ZNF892: variants seen among roughly 807,000 people sequenced by gnomAD.
ZNF892 encodes the protein zinc finger protein 892.
At chr2:95,245,205 A>G in the ZNF892 span, among the ~76,000 whole-genome samples, 3 of 151,870 alleles carry the variant, frequency 2.0e-5, no homozygotes, top group Admixed American at 2.0e-4. Context: ...GGAGAAAGAG[A>G]CATGAAAAAG....
the ZNF892 span, chr2:95,215,470 GA>G: frequency 4.6e-6 from 2 of 438,440 alleles, no homozygotes; most frequent in South Asian, 8.8e-5. Flanking sequence ...AAGGAATGTG[GA>G]AAAGCCTTTA....
the ZNF892 span, among the ~76,000 whole-genome samples, chr2:95,220,939 A>AT: frequency 6.6e-6 from 1 of 152,134 alleles, no homozygotes; most frequent in Non-Finnish European, 1.5e-5. Context: ...AGAATTTTGG[A>AT]TTTTTTTACA....
chr2:95,228,396 C>T, the ZNF892 span, among the ~76,000 whole-genome samples: 1 of 152,158 alleles, frequency 6.6e-6, no homozygotes, highest in East Asian at 1.9e-4. Context: ...TGCCACTGCC[C>T]TCCAGCCTGG....
chr2:95,229,795 A>G, the ZNF892 span, among the ~76,000 whole-genome samples: 1 of 152,184 alleles, frequency 6.6e-6, no homozygotes. Context: ...TCTTGGGTAC[A>G]TATACCTAGG....
chr2:95,252,140 T>C, the ZNF892 span, among the ~76,000 whole-genome samples: 1 of 152,228 alleles, frequency 6.6e-6, no homozygotes, highest in South Asian at 2.1e-4. Flanking sequence ...AATGTGCAGG[T>C]TTGTTACATA....
At chr2:95,218,307 C>T in the ZNF892 span, among the ~76,000 whole-genome samples, 11 of 152,198 alleles carry the variant, frequency 7.2e-5, no homozygotes, top group African/African-American at 2.2e-4. Context: ...CATTTTACTA[C>T]AAGCACTAAG....
At chr2:95,211,049 G>A in the ZNF892 span, among the ~76,000 whole-genome samples, 73 of 152,218 alleles carry the variant, frequency 4.8e-4, no homozygotes, top group African/African-American at 1.6e-3. Flanking sequence ...GATCAGGGTC[G>A]TTGTGAAAAA....
At chr2:95,209,167 G>A in the ZNF892 span, among the ~76,000 whole-genome samples, 1 of 152,156 alleles carries the variant, frequency 6.6e-6, no homozygotes, top group Non-Finnish European at 1.5e-5. Flanking sequence ...AGAAGTGTGG[G>A]ATAAATCTGT....
the ZNF892 span, chr2:95,212,181 C>G: frequency 2.5e-6 from 1 of 398,464 alleles, no homozygotes; most frequent in Non-Finnish European, 4.4e-6. Flanking sequence ...CTTTTTCTTT[C>G]CCTATGAATA....
chr2:95,261,628 A>C, the ZNF892 span, among the ~76,000 whole-genome samples: 2 of 152,328 alleles, frequency 1.3e-5, no homozygotes, highest in African/African-American at 4.8e-5. Context: ...TCAAGGACAA[A>C]GGACAGGGAC....
the ZNF892 span, among the ~76,000 whole-genome samples, chr2:95,255,099 G>A: frequency 6.6e-6 from 1 of 152,268 alleles, no homozygotes; most frequent in East Asian, 1.9e-4. Flanking sequence ...TCTGATCTTA[G>A]TTATTTCTTG....
chr2:95,251,004 A>G, the ZNF892 span, among the ~76,000 whole-genome samples: 2 of 149,402 alleles, frequency 1.3e-5, no homozygotes, highest in Admixed American at 1.3e-4. Flanking sequence ...TAAATATTAC[A>G]TAAATATTTA....
chr2:95,262,330 CCA>C, the ZNF892 span, among the ~76,000 whole-genome samples: 1 of 152,140 alleles, frequency 6.6e-6, no homozygotes, highest in South Asian at 2.1e-4. Context: ...AAGGCTTCAT[CCA>C]CACAGTGTCT....
the ZNF892 span, among the ~76,000 whole-genome samples, chr2:95,243,744 A>G: frequency 1.4e-5 from 2 of 144,344 alleles, no homozygotes; most frequent in East Asian, 2.1e-4. Context: ...CCGCCCGGCC[A>G]GCCGCCCCGT....
chr2:95,226,256 T>C, the ZNF892 span, among the ~76,000 whole-genome samples: 1 of 152,228 alleles, frequency 6.6e-6, no homozygotes, highest in Non-Finnish European at 1.5e-5. Context: ...GATAATTTTA[T>C]TTCTTCCTTT....
the ZNF892 span, among the ~76,000 whole-genome samples, chr2:95,253,184 C>A: frequency 1.3e-5 from 2 of 152,126 alleles, no homozygotes; most frequent in Admixed American, 6.5e-5. Context: ...AATGGTATTG[C>A]CTAGGTTTTC....
At chr2:95,217,811 A>C in the ZNF892 span, among the ~76,000 whole-genome samples, 1 of 152,118 alleles carries the variant, frequency 6.6e-6, no homozygotes, top group East Asian at 1.9e-4. Flanking sequence ...CCCCTCTCCT[A>C]AGCCTCTGCA....
chr2:95,241,951 A>G, the ZNF892 span, among the ~76,000 whole-genome samples: 32 of 152,184 alleles, frequency 2.1e-4, no homozygotes, highest in Non-Finnish European at 3.7e-4. Context: ...ATAGAGAAAA[A>G]AATAATGAAA....
chr2:95,223,631 G>A, the ZNF892 span, among the ~76,000 whole-genome samples: 1 of 152,014 alleles, frequency 6.6e-6, no homozygotes, highest in African/African-American at 2.4e-5. Context: ...GAAATCATGA[G>A]CTCAAGCAAT....
Sources: allele counts gnomAD v4.1 joint callset (sites outside exome capture counted in the v4.1 genomes callset), GRCh38; gene constraint gnomAD v4.1.1; transcripts MANE v1.5; gene names NCBI Gene and HGNC (gene_info 2026-07-23, HGNC 2026-07-21).